Variants in RP9 observed in about 807,000 individuals in gnomAD.
The protein encoded by RP9 is RP9 pre-mRNA splicing factor, also known as retinitis pigmentosa 9 protein.
RP9 carries 23 observed loss-of-function variants against 32.6 expected under a neutral mutation model. That is an observed-to-expected ratio of 0.71 (90% CI 0.51 to 1.00). RP9 has a LOEUF of 1.00. Among genes scored for constraint, RP9 ranks in the 50% least tolerant of loss-of-function variants. The pLI is 0.00. For synonymous variants in RP9, 94 were observed against 103.6 expected (o/e 0.91, Z 0.56); for missense variants, 245 against 285.3 (o/e 0.86, Z 1.02).
rs767100036 is a variant in RP9, at chr7:33,096,599, C to T, written c.406-45G>A. The T allele has an allele frequency of 2.3e-6, 3 of 1,318,126 alleles. No homozygotes were observed. The East Asian group carries it at 6.9e-5, about 30-fold the overall frequency. The allele number at this position is 1,318,126 out of a possible 1,614,324, so 81.7% of individuals were successfully genotyped here. The stretch of plus-strand genomic sequence containing the variant: ...TAAGGTTTGGTTAGGCTTCATGGAT[C>T]ACAAGTTAAATACAATGAAATGCCT... On this transcript the variant is annotated intron_variant, in intron 4 of 5. Coordinates refer to ENST00000297157, the MANE Select transcript of RP9 (RefSeq NM_203288.2).
chr7:33,098,442 C>G (rs1020081327), intron 3 of RP9, among the ~76,000 whole-genome samples: 1 of 152,064 alleles, frequency 6.6e-6, no homozygotes, highest in African/African-American at 2.4e-5. Flanking sequence ...GGGTCTCTGG[C>G]CAGGGAGACC....
In RP9 at chr7:33,096,494, T is replaced by G. The variant is rs1294523355; in HGVS notation, c.466A>C (p.Arg156=). ...RDNKRHEKDV[R]IQQLKQLLED... ...TTGTTATCATCAGGACGACCTCACC[T>G]TACGTCCTTTTCATGTCGTTTATTG... Residue 156 remains arginine, a splice_region_variant and synonymous_variant, in exon 5 of 6, where the codon AGG becomes CGG. Coordinates refer to ENST00000297157, the MANE Select transcript of RP9 (RefSeq NM_203288.2). The G allele has an allele frequency of 6.2e-7, 1 of 1,607,642 alleles. No homozygotes were observed. The highest frequency in any genetic ancestry group is 8.5e-7 in the Non-Finnish European group (1 of 1,174,112).
rs183830016 is a variant in RP9, at chr7:33,098,166, G to A, written c.314-804C>T. Among the ~76,000 whole-genome samples the A allele has an allele frequency of 5.9e-5, 9 of 151,658 alleles. No homozygotes were observed. In the East Asian group the frequency reaches 9.8e-4, roughly 17 times the overall value. On this transcript the variant is annotated intron_variant, in intron 3 of 5. Coordinates refer to ENST00000297157, the MANE Select transcript of RP9 (RefSeq NM_203288.2). ...TTTGGGAGGCAGAGGCGGGTAGATC[G>A]CTTGAGGCCAGGAGTTCGAGACTAG... is the stretch of plus-strand genomic sequence containing the variant.
At chr7:33,097,785 A>C (rs1467272601) in intron 3 of RP9, among the ~76,000 whole-genome samples, 1 of 151,964 alleles carries the variant, frequency 6.6e-6, no homozygotes, top group Non-Finnish European at 1.5e-5. Flanking sequence ...ACACCCAGCT[A>C]ATTTTTGTAT....
intron 3 of RP9, among the ~76,000 whole-genome samples, chr7:33,098,180 G>A (rs1788369436): frequency 6.6e-6 from 1 of 151,974 alleles, no homozygotes; most frequent in African/African-American, 2.4e-5. Context: ...GAGGCCAGGA[G>A]TTCGAGACTA....
chr7:33,105,336 C>T (rs1036015806), intron 1 of RP9, among the ~76,000 whole-genome samples: 6 of 152,112 alleles, frequency 3.9e-5, no homozygotes, highest in Non-Finnish European at 8.8e-5. Flanking sequence ...TGCTCTCTGA[C>T]CTTCTCTTGC....
Position 33,109,188 on chromosome 7 carries a change from C to T in RP9, c.152+33G>A, listed in dbSNP as rs771402861. 14 of 1,484,046 alleles carry T rather than the reference C, an allele frequency of 9.4e-6. 1 individual carries two copies. The South Asian group carries it at 1.4e-4, about 15-fold the overall frequency. 91.9% of individuals were successfully genotyped at this position (1,484,046 alleles called of 1,614,324 possible). The stretch of plus-strand genomic sequence containing the variant: ...GCCCCGGGCCCCTGGCTTCAGAAGA[C>T]TGGCCGCGCGCGGACGGCAGCTCGG... On this transcript the variant is annotated intron_variant, in intron 1 of 5. Coordinates refer to ENST00000297157, the MANE Select transcript of RP9 (RefSeq NM_203288.2). The surrounding 1 kb of genome is among the most constrained non-coding windows in gnomAD (Gnocchi z 4.9).
Position 33,095,898 on chromosome 7 carries a change from C to T in RP9, c.468-466G>A, listed in dbSNP as rs116407914. 3.5e-3 allele frequency among the ~76,000 whole-genome samples: 535 copies of T among 152,164 alleles called. 5 individuals are homozygous for T. Among genetic ancestry groups the T allele is most frequent in the African/African-American group, 0.012 (487 of 41,502 alleles). On this transcript the variant is annotated intron_variant, in intron 5 of 5. Coordinates refer to ENST00000297157, the MANE Select transcript of RP9 (RefSeq NM_203288.2). ...CTAGGCTGGAGTGCAGTGGTGCAATCATGGCTTACTGCAGCCTCAACCTAC... is the reference window on the plus strand; with the variant it reads ...CTAGGCTGGAGTGCAGTGGTGCAATTATGGCTTACTGCAGCCTCAACCTAC...
At chr7:33,107,313 A>G (rs1485386287) in intron 1 of RP9, among the ~76,000 whole-genome samples, 3 of 152,128 alleles carry the variant, frequency 2.0e-5, no homozygotes, top group Admixed American at 1.3e-4. Context: ...TGATCACATG[A>G]CTTAACCACT....
At chr7:33,106,455 C>T (rs1788499576) in intron 1 of RP9, among the ~76,000 whole-genome samples, 2 of 152,236 alleles carry the variant, frequency 1.3e-5, no homozygotes, top group Admixed American at 6.5e-5. Context: ...GGATTATAGG[C>T]GTGAGCCACA....
At chr7:33,096,447 AT>A in intron 5 of RP9, 45 bp downstream of exon 5, 1 of 1,394,818 alleles carries the variant, frequency 7.2e-7, no homozygotes, top group Non-Finnish European at 1.0e-6. Context: ...ACTTTATATA[AT>A]TTTAAAACTT....
intron 2 of RP9, 118 bp downstream of exon 2, chr7:33,100,413 A>G: frequency 1.1e-6 from 1 of 929,640 alleles, no homozygotes; most frequent in Non-Finnish European, 1.8e-6. Context: ...ATCTGCAGGA[A>G]AAGAAACAGG....
chr7:33,101,880 G>A (rs1039492532), intron 1 of RP9, among the ~76,000 whole-genome samples: 4 of 152,204 alleles, frequency 2.6e-5, no homozygotes, highest in Admixed American at 6.5e-5. Flanking sequence ...TAGTTTATCT[G>A]TAGCCATTCA....
chr7:33,099,821 A>T (rs1036670550), intron 2 of RP9, among the ~76,000 whole-genome samples: 2 of 152,186 alleles, frequency 1.3e-5, no homozygotes, highest in African/African-American at 4.8e-5. Context: ...TTATGCTAGA[A>T]TAGTTTATTA....
chr7:33,103,270 T>C (rs78797004), intron 1 of RP9, among the ~76,000 whole-genome samples: 3,749 of 152,204 alleles, frequency 0.025, 124 homozygotes, highest in East Asian at 0.16. Context: ...GCCTCTCCAA[T>C]TCAGCAACAC....
chr7:33,096,838 C>CA (rs11415622), intron 4 of RP9, among the ~76,000 whole-genome samples: 82,729 of 151,908 alleles, frequency 0.54, 23,235 homozygotes, highest in African/African-American at 0.69. Context: ...ACCTCAAAAA[C>CA]AAAGAAAAAT....
chr7:33,105,110 C>G (rs183437156), intron 1 of RP9, among the ~76,000 whole-genome samples: 1 of 152,060 alleles, frequency 6.6e-6, no homozygotes, highest in East Asian at 1.9e-4. Flanking sequence ...GAAAGGATGC[C>G]CTAGGACCAC....
chr7:33,102,380 C>T (rs1285289884), intron 1 of RP9, among the ~76,000 whole-genome samples: 1 of 152,130 alleles, frequency 6.6e-6, no homozygotes, highest in East Asian at 1.9e-4. Flanking sequence ...GGCGTGATCA[C>T]AGCTCACTGC....
In RP9 at chr7:33,109,347, T is replaced by C. The variant is rs1381969931; in HGVS notation, c.26A>G (p.Asp9Gly). ...CCGCCGCGCGCCCGCAGCCCCCACG[T>C]CCTCGCGCCCAGGCCGGGACGACAT... MSSRPGREDVGAAGARRPR... is the reference protein window; with the variant it reads MSSRPGREGVGAAGARRPR... The change falls in exon 1 of 6, where the codon GAC (aspartate) becomes GGC (glycine). Residue 9 changes from aspartate (D) to glycine (G), a missense_variant. Transcript: ENST00000297157. The surrounding 1 kb of genome is among the most constrained non-coding windows in gnomAD (Gnocchi z 4.9). 3 of 1,441,938 alleles carry C rather than the reference T, an allele frequency of 2.1e-6. No individual in the cohort carries two copies. Among genetic ancestry groups the C allele is most frequent in the African/African-American group, 1.5e-5 (1 of 66,808 alleles). The allele number at this position is 1,441,938 out of a possible 1,614,324, so 89.3% of individuals were successfully genotyped here.
Sources: gnomAD v4.1 joint callset for allele counts (sites outside exome capture counted in the v4.1 genomes callset) on GRCh38, gnomAD v4.1.1 for gene constraint, Gnocchi (gnomAD v3.1) non-coding constraint, MANE v1.5 for transcripts, NCBI Gene and HGNC (gene_info 2026-07-23, HGNC 2026-07-21) for gene names.